UBTF: variants seen among roughly 807,000 people sequenced by gnomAD.
The protein encoded by UBTF is nucleolar transcription factor 1.
In UBTF, 8 loss-of-function variants were observed where a neutral mutation model predicts 112.3. The ratio of observed to expected loss-of-function variants is 0.07; its 90% CI spans 0.04 to 0.13. The LOEUF (loss-of-function observed/expected upper bound fraction) is 0.13. UBTF is among the 10% of genes least tolerant of loss of function. UBTF has a pLI of 1.00. For synonymous variants in UBTF, 417 were observed against 373.1 expected (o/e 1.12, Z -1.36); for missense variants, 457 against 982.1 (o/e 0.47, Z 7.15).
intron 3 of UBTF, 70 bp from the exon 4 acceptor site, chr17:44,216,059 T>A (rs973010933): frequency 8.1e-7 from 1 of 1,236,660 alleles, no homozygotes. Context: ...TATACCCCCA[T>A]CTTATAACGG....
chr17:44,207,492 CAGA>C lies in UBTF; in HGVS notation c.2128_2130del (p.Ser710del). ...TCGCTCTCGTCCTCGCTGCTGGACT[CAGA>C]GGAGTCGCCGCCATCTTCAGAGGAG... On this transcript the variant is annotated inframe_deletion, in exon 20 of 21. Coordinates refer to ENST00000436088, the MANE Select transcript of UBTF (RefSeq NM_014233.4). 6.2e-7 allele frequency: 1 copy of C among 1,614,052 alleles called. No homozygotes were observed. Among genetic ancestry groups the C allele is most frequent in the African/African-American group, 1.3e-5 (1 of 74,978 alleles).
Position 44,206,919 on chromosome 17 carries a change from C to A in UBTF, c.*323G>T, listed in dbSNP as rs772763701. ...CAAACTCTTTGGGACCCCCCACCCCCACTCTCCGGTCCATTGTCCATGCCG... is the reference window on the plus strand; with the variant it reads ...CAAACTCTTTGGGACCCCCCACCCCAACTCTCCGGTCCATTGTCCATGCCG... On this transcript the variant is annotated 3_prime_UTR_variant, in exon 21 of 21. Coordinates refer to ENST00000436088, the MANE Select transcript of UBTF (RefSeq NM_014233.4). 53 of 435,336 alleles carry A rather than the reference C, an allele frequency of 1.2e-4. No individual in the cohort carries two copies. Among genetic ancestry groups the A allele is most frequent in the Non-Finnish European group, 1.7e-4 (43 of 246,834 alleles). The allele number at this position is 435,336 out of a possible 1,614,324, so 27.0% of individuals were successfully genotyped here.
rs2056695569 is a variant in UBTF at position 44,211,797 on chromosome 17, C to T, written c.906-50G>A. The T allele has an allele frequency of 6.3e-7, 1 of 1,599,402 alleles. No homozygotes were observed. Among genetic ancestry groups the T allele is most frequent in the South Asian group, 1.1e-5 (1 of 90,156 alleles). ...TGCAGCCCGTAAGCGAGCAGGGCAG[C>T]AGGCCTTCTCACCTGCAGAGCCCAG... On this transcript the variant is annotated intron_variant, in intron 9 of 20. Transcript: ENST00000436088. The surrounding 1 kb of genome is among the most constrained non-coding windows in gnomAD (Gnocchi z 4.9).
rs2056627664 is a variant in UBTF at position 44,210,846 on chromosome 17, G to A, written c.1305C>T (p.Ser435=). Residue 435 remains serine (S), a synonymous_variant, in exon 13 of 21, where the codon AGC becomes AGT. Coordinates refer to ENST00000436088, the MANE Select transcript of UBTF (RefSeq NM_014233.4). Reference sequence around the variant, plus strand: ...TTCGGGCCAGCAGGCGGGTCAGCTCGCTCTCGGAGAGCTCAGGCCGCTCCT... The same window carrying A: ...TTCGGGCCAGCAGGCGGGTCAGCTCACTCTCGGAGAGCTCAGGCCGCTCCT... ...LQEERPELSE[S]ELTRLLARMW... The A allele has an allele frequency of 6.4e-7, 1 of 1,570,988 alleles. No individual in the cohort carries two copies. Among genetic ancestry groups the A allele is most frequent in the Non-Finnish European group, 8.6e-7 (1 of 1,157,836 alleles).
At chr17:44,212,559 T>A in intron 7 of UBTF, 105 bp from the exon 8 acceptor site, 1 of 1,048,170 alleles carries the variant, frequency 9.5e-7, no homozygotes, top group Non-Finnish European at 1.4e-6. Context: ...CCATGGGAGG[T>A]CACATCAGTG....
Position 44,211,231 on chromosome 17 carries a change from G to A in UBTF, c.1089+59C>T. The A allele has an allele frequency of 1.9e-6, 3 of 1,613,938 alleles. 1 individual carries two copies. In the South Asian group the frequency reaches 3.3e-5, roughly 18 times the overall value. Reference sequence around the variant, plus strand: ...TGCCCTATCTCCAGGGGCTCACCAGGGCTCTGCCTGCCAAGTCCCAGTCTT... The same window carrying A: ...TGCCCTATCTCCAGGGGCTCACCAGAGCTCTGCCTGCCAAGTCCCAGTCTT... On this transcript the variant is annotated intron_variant, in intron 11 of 20. Transcript: ENST00000436088. This position sits in a 1 kb window ranked among gnomAD's most constrained non-coding sequence, Gnocchi z 4.9.
rs1031435154 is a variant in UBTF, at chr17:44,217,154, C to T, written c.59-450G>A. Among the ~76,000 whole-genome samples, 8 of 152,104 alleles carry T rather than the reference C, an allele frequency of 5.3e-5. 1 individual carries two copies. Among genetic ancestry groups the T allele is most frequent in the South Asian group, 4.1e-4 (2 of 4,836 alleles). On this transcript the variant is annotated intron_variant, in intron 2 of 20. Transcript: ENST00000436088. ...CTGAGTGGATATTCTAAATGTGCAA[C>T]GACTGAGAATGGGGTGTGGACAGTA...
intron 2 of UBTF, 37 bp from the exon 3 acceptor site, chr17:44,216,741 A>T: frequency 1.9e-6 from 3 of 1,606,604 alleles, no homozygotes; most frequent in African/African-American, 2.7e-5. Context: ...TGCCTGGCTC[A>T]TGCTATCCCC....
At chr17:44,218,600 A>AAAAAAAAAAAAAAAAG (rs1194736637) in intron 1 of UBTF, 1 of 208,272 alleles carries the variant, frequency 4.8e-6, no homozygotes, top group African/African-American at 2.5e-5. Context: ...CAGCCAAAAA[A>AAAAAAAAAAAAAAAAG]AAAAAAAAAG....
In UBTF at chr17:44,218,260, T is replaced by C. The variant is rs370455376; in HGVS notation, c.-31A>G. On this transcript the variant is annotated 5_prime_UTR_variant, in exon 2 of 21. Coordinates refer to ENST00000436088, the MANE Select transcript of UBTF (RefSeq NM_014233.4). ...AGCTGTCCAGCCACCTCCTCGGTCG[T>C]GCTGGCCGGGCAACCCGGGGTCAAA... 22 of 1,610,680 alleles carry C rather than the reference T, an allele frequency of 1.4e-5. No individual in the cohort carries two copies. The East Asian group carries it at 4.7e-4, about 34-fold the overall frequency.
intron 2 of UBTF, 23 bp downstream of exon 2, chr17:44,218,149 G>A: frequency 1.2e-6 from 2 of 1,610,702 alleles, no homozygotes; most frequent in Admixed American, 1.7e-5. Flanking sequence ...AAGTTTCAGA[G>A]GGCCGGGGGT....
At position 44,212,781 on chromosome 17, in the gene UBTF, G is replaced by A. The variant is rs757292261; in HGVS notation, c.660+38C>T. ...GCGCGGCTCCCCCCTGGCCACCGCC[G>A]TGCATCCTCCACCCCCAACCCTTGG... On this transcript the variant is annotated intron_variant, in intron 7 of 20. Transcript: ENST00000436088. 187 of 1,610,840 alleles carry A rather than the reference G, an allele frequency of 1.2e-4. 1 individual carries two copies. Among genetic ancestry groups the A allele is most frequent in the Non-Finnish European group, 1.4e-4 (168 of 1,178,386 alleles).
rs367669021 is a variant in UBTF, at chr17:44,216,082, CTT to C, written c.235-95_235-94del. On this transcript the variant is annotated intron_variant, in intron 3 of 20. Coordinates refer to ENST00000436088, the MANE Select transcript of UBTF (RefSeq NM_014233.4). ...CATCTTATAACGGGTCTCTTCTACT[CTT>C]TACTAGACTAAATTTACCAAAGAAG... The C allele has an allele frequency of 6.9e-3, 6,845 of 992,646 alleles. 390 individuals carry two copies. In the South Asian group the frequency reaches 0.091, roughly 13 times the overall value. The allele number at this position is 992,646 out of a possible 1,614,324, so 61.5% of individuals were successfully genotyped here.
rs2056786912 is a variant in UBTF, at chr17:44,212,909, G to A, written c.570C>T (p.Ala190=). 1 of 1,614,116 alleles carries A rather than the reference G, an allele frequency of 6.2e-7. No homozygotes were observed. Among genetic ancestry groups the A allele is most frequent in the Admixed American group, 1.7e-5 (1 of 60,014 alleles). The stretch of plus-strand genomic sequence containing the variant: ...GCTTCTCTGGGATGTCCGATTTCTT[G>A]GCATTCTGGATTAGGTCGGGGTGAT... ...REDHPDLIQN[A]KKSDIPEKPK... is the part of the protein sequence containing the mutation. The change falls in exon 7 of 21, where the codon GCC becomes GCT. Residue 190 remains alanine, a synonymous_variant. Coordinates refer to ENST00000436088, the MANE Select transcript of UBTF (RefSeq NM_014233.4).
upstream of UBTF, among the ~76,000 whole-genome samples, chr17:44,220,296 C>T (rs2047120918): frequency 6.6e-6 from 1 of 151,692 alleles, no homozygotes; most frequent in Non-Finnish European, 1.5e-5. Context: ...GCGCCCACAG[C>T]CCTGCTCCGG....
At chr17:44,209,094 G>GTTTTAA in intron 17 of UBTF, 1 of 291,048 alleles carries the variant, frequency 3.4e-6, no homozygotes, top group South Asian at 6.4e-5. Context: ...GCTTGAACCT[G>GTTTTAA]GGAGGTGGAG....
At chr17:44,208,926 T>C (rs1467714295) in intron 17 of UBTF, 1 of 357,406 alleles carries the variant, frequency 2.8e-6, no homozygotes, top group South Asian at 1.9e-5. Context: ...GGCTCAAGCC[T>C]GTAGTCCCAG....
chr17:44,209,176 A>T, intron 17 of UBTF, 176 bp downstream of exon 17: 1 of 671,122 alleles, frequency 1.5e-6, no homozygotes. Context: ...CAAAAAATAA[A>T]AAAAAAAATA....
In UBTF at chr17:44,218,183, G is replaced by C; in HGVS notation, c.47C>G (p.Pro16Arg). 6.2e-7 allele frequency: 1 copy of C among 1,612,772 alleles called. No homozygotes were observed. The highest frequency in any genetic ancestry group is 8.5e-7 in the Non-Finnish European group (1 of 1,179,684). The change falls in exon 2 of 21, where the codon CCC becomes CGC. Residue 16 changes from proline (P) to arginine (R), a missense_variant. Around this residue, in one of 7 missense-constraint regions of UBTF, gnomAD observed 20 missense variants for 29.1 expected, o/e 0.69. Transcript: ENST00000436088. ...DCPTDLEMAAPKGQDRWSQED... is the reference protein window; with the variant it reads ...DCPTDLEMAARKGQDRWSQED... ...GTGGATGCCCCTACCTTGGCCTTTG[G>C]GGGCGGCCATTTCCAGGTCTGTGGG... is the stretch of plus-strand genomic sequence containing the variant.
Sources: allele counts gnomAD v4.1 joint callset (sites outside exome capture counted in the v4.1 genomes callset), GRCh38; gene constraint gnomAD v4.1.1; regional missense constraint gnomAD v4.1.1; non-coding constraint Gnocchi (gnomAD v3.1); transcripts MANE v1.5; gene names NCBI Gene and HGNC (gene_info 2026-07-23, HGNC 2026-07-21).